Variants in GOLGA1 observed in about 807,000 individuals in gnomAD.
The protein encoded by GOLGA1 is golgin A1, also known as golgin subfamily A member 1.
In GOLGA1, 63 loss-of-function variants were observed where a neutral mutation model predicts 119.7. The observed-to-expected ratio is 0.53, with a 90% confidence interval of 0.43 to 0.65. The LOEUF (loss-of-function observed/expected upper bound fraction) is 0.65. GOLGA1 is among the 30% of genes least tolerant of loss of function. GOLGA1 has a pLI of 0.00. For synonymous variants in GOLGA1, 318 were observed against 333.4 expected (o/e 0.95, Z 0.50); for missense variants, 798 against 912.8 (o/e 0.87, Z 1.62).
intron 19 of GOLGA1, among the ~76,000 whole-genome samples, chr9:124,884,229 C>T (rs1009223847): frequency 5.4e-5 from 8 of 147,666 alleles, no homozygotes; most frequent in African/African-American, 1.9e-4. Context: ...CCAGGCTGGT[C>T]TCGAACTCCT....
Position 124,881,572 on chromosome 9 carries a change from T to C in GOLGA1, c.2136+212A>G, listed in dbSNP as rs1262582385. 6.6e-6 allele frequency among the ~76,000 whole-genome samples: 1 copy of C among 152,220 alleles called. No homozygotes were observed. Among genetic ancestry groups the C allele is most frequent in the African/African-American group, 2.4e-5 (1 of 41,466 alleles). On this transcript the variant is annotated intron_variant, in intron 21 of 22. Transcript: ENST00000373555. This position sits in a 1 kb window ranked among gnomAD's most constrained non-coding sequence, Gnocchi z 4.9. ...GGCCAGGATTTAGAAGTGGAGCCTA[T>C]GTCTCCCACCAGGAGCCAGTTCCTG...
rs991995167 is a variant in GOLGA1 at position 124,928,111 on chromosome 9, T to A, written c.399+77A>T. 42 of 649,098 alleles carry A rather than the reference T, an allele frequency of 6.5e-5. No homozygotes were observed. In the Admixed American group the frequency reaches 1.1e-3, roughly 16 times the overall value. The allele number at this position is 649,098 out of a possible 1,614,324, so 40.2% of individuals were successfully genotyped here. A position where few individuals can be genotyped will look rare whatever the true frequency, so the allele number is the denominator to read the frequency against. ...CTAGGCTATAAATATTTTCTATAGGTTATGTCATGATTTTTGAAATCACGT... is the reference window on the plus strand; with the variant it reads ...CTAGGCTATAAATATTTTCTATAGGATATGTCATGATTTTTGAAATCACGT... On this transcript the variant is annotated intron_variant, in intron 6 of 22. Transcript: ENST00000373555.
At chr9:124,899,302 C>G (rs1416958489) in intron 14 of GOLGA1, 27 bp downstream of exon 14, 24 of 1,524,794 alleles carry the variant, frequency 1.6e-5, no homozygotes, top group Non-Finnish European at 2.0e-5. Context: ...TGCTCCTGGG[C>G]CCACCCTCTC....
chr9:124,923,324 G>T, intron 7 of GOLGA1, 101 bp from the exon 8 acceptor site: 1 of 977,084 alleles, frequency 1.0e-6, no homozygotes, highest in Non-Finnish European at 1.5e-6. Context: ...TGTCTTTAGA[G>T]ACAGAGTCTC....
In GOLGA1 at chr9:124,914,677, G is replaced by A. The variant is rs531402673; in HGVS notation, c.844-2651C>T. On this transcript the variant is annotated intron_variant, in intron 10 of 22. Transcript: ENST00000373555. ...CCTATTATGTCTAGTCCTTACAAATGCTCTTTATCACATCCATTTACAAGG... is the reference window on the plus strand; with the variant it reads ...CCTATTATGTCTAGTCCTTACAAATACTCTTTATCACATCCATTTACAAGG... Among the ~76,000 whole-genome samples the A allele has an allele frequency of 4.6e-5, 7 of 152,318 alleles. No individual in the cohort carries two copies. The East Asian group carries it at 1.3e-3, about 29-fold the overall frequency.
Position 124,921,723 on chromosome 9 carries a change from C to T in GOLGA1, c.731G>A (p.Arg244Lys), listed in dbSNP as rs1830572742. 6.2e-7 allele frequency: 1 copy of T among 1,612,132 alleles called. No individual in the cohort carries two copies. The highest frequency in any genetic ancestry group is 8.5e-7 in the Non-Finnish European group (1 of 1,178,668). ...QRHYSTLEEQ[R>K]DHVIASKTGA... ...AGGGCCCCACAGACCAAGCAAGAAC[C>T]TCTGCTCTTCCAGCGTTGAGTAGTG... is the stretch of plus-strand genomic sequence containing the variant. Residue 244 changes from arginine to lysine, a missense_variant and splice_region_variant, in exon 9 of 23, where the codon AGA (arginine) becomes AAA (lysine). Coordinates refer to ENST00000373555, the MANE Select transcript of GOLGA1 (RefSeq NM_002077.4).
chr9:124,912,619 T>G (rs1253222589), intron 10 of GOLGA1, among the ~76,000 whole-genome samples: 1 of 152,202 alleles, frequency 6.6e-6, no homozygotes, highest in Non-Finnish European at 1.5e-5. Flanking sequence ...CTCGGCTCAC[T>G]GCAACATCCA....
At chr9:124,907,637 GA>G (rs1830260791) in intron 12 of GOLGA1, among the ~76,000 whole-genome samples, 2 of 152,120 alleles carry the variant, frequency 1.3e-5, no homozygotes, top group Admixed American at 6.6e-5. Flanking sequence ...AGAAAATAAG[GA>G]AAGGATATGA....
intron 11 of GOLGA1, among the ~76,000 whole-genome samples, chr9:124,910,331 C>T (rs990450617): frequency 6.6e-6 from 1 of 152,032 alleles, no homozygotes; most frequent in African/African-American, 2.4e-5. Flanking sequence ...ACCCAAAGTG[C>T]TGGGATTACA....
Position 124,911,909 on chromosome 9 carries a change from G to C in GOLGA1, c.961C>G (p.Leu321Val), listed in dbSNP as rs966292296. The C allele has an allele frequency of 5.0e-6, 8 of 1,612,420 alleles. No individual in the cohort carries two copies. Among genetic ancestry groups the C allele is most frequent in the Non-Finnish European group, 6.8e-6 (8 of 1,178,708 alleles). Residue 321 changes from leucine to valine, a missense_variant, in exon 11 of 23, where the codon CTG (leucine) becomes GTG (valine). Leu to Val is a conservative substitution (Grantham distance 32). Coordinates refer to ENST00000373555, the MANE Select transcript of GOLGA1 (RefSeq NM_002077.4). Reference protein sequence around the residue: ...LSGEEHLQELLKEKTLAEQNL... With the variant: ...LSGEEHLQELVKEKTLAEQNL... The stretch of plus-strand genomic sequence containing the variant: ...AAGAGAACAGAAGTTACCTCTTTCA[G>C]GAGTTCTTGCAAGTGTTCTTCTCCT...
rs1458072554 is a variant in GOLGA1, at chr9:124,921,712, C to G, written c.731+11G>C. On this transcript the variant is annotated intron_variant, in intron 9 of 22. Transcript: ENST00000373555. ...ACCTCTTCCCAAGGGCCCCACAGAC[C>G]AAGCAAGAACCTCTGCTCTTCCAGC... is the stretch of plus-strand genomic sequence containing the variant. The G allele has an allele frequency of 3.1e-6, 5 of 1,608,292 alleles. No individual in the cohort carries two copies. Among genetic ancestry groups the G allele is most frequent in the Non-Finnish European group, 4.3e-6 (5 of 1,176,426 alleles).
intron 14 of GOLGA1, among the ~76,000 whole-genome samples, 154 bp from the exon 15 acceptor site, chr9:124,898,798 A>C (rs1382403778): frequency 1.3e-5 from 2 of 152,234 alleles, no homozygotes; most frequent in African/African-American, 4.8e-5. Context: ...GAAAGTAGGA[A>C]GTCTCTGTGG....
intron 19 of GOLGA1, among the ~76,000 whole-genome samples, chr9:124,882,962 C>T (rs17328115): frequency 0.1 from 15,618 of 152,186 alleles, 1,076 homozygotes; most frequent in South Asian, 0.15. Flanking sequence ...GATACTTAGG[C>T]GAGGACTTAC....
At chr9:124,919,527 A>G (rs1406104413) in intron 10 of GOLGA1, among the ~76,000 whole-genome samples, 3 of 152,216 alleles carry the variant, frequency 2.0e-5, no homozygotes, top group Non-Finnish European at 4.4e-5. Context: ...TTCTGGAGTA[A>G]GACTTGGGTT....
chr9:124,929,623 T>C (rs1233956885), intron 4 of GOLGA1, among the ~76,000 whole-genome samples: 2 of 152,172 alleles, frequency 1.3e-5, no homozygotes, highest in Non-Finnish European at 2.9e-5. Flanking sequence ...CAAATCTCAG[T>C]TTCCACTTCC....
intron 12 of GOLGA1, among the ~76,000 whole-genome samples, chr9:124,905,335 A>G (rs1215881806): frequency 6.6e-6 from 1 of 151,898 alleles, no homozygotes; most frequent in Admixed American, 6.6e-5. Flanking sequence ...GGAGGCAGGC[A>G]TCTTTTAACC....
At chr9:124,934,858 G>A (rs1830834318) in intron 3 of GOLGA1, among the ~76,000 whole-genome samples, 1 of 152,116 alleles carries the variant, frequency 6.6e-6, no homozygotes, top group Admixed American at 6.6e-5. Flanking sequence ...ACCAGCCTAA[G>A]CAACATGGCA....
chr9:124,904,776 C>T (rs1036415970), intron 12 of GOLGA1, among the ~76,000 whole-genome samples: 1 of 151,834 alleles, frequency 6.6e-6, no homozygotes, highest in Non-Finnish European at 1.5e-5. Context: ...CTTGTCTCTA[C>T]CAAAAATACA....
At position 124,911,922 on chromosome 9, in the gene GOLGA1, G is replaced by A. The variant is rs1396520134; in HGVS notation, c.948C>T (p.His316=). Residue 316 remains histidine, a synonymous_variant, in exon 11 of 23, where the codon CAC becomes CAT. Transcript: ENST00000373555. ...TTACCTCTTTCAGGAGTTCTTGCAA[G>A]TGTTCTTCTCCTGATAAGTTCTGTT... is the stretch of plus-strand genomic sequence containing the variant. ...RLEQNLSGEE[H]LQELLKEKTL... 14 of 1,610,412 alleles carry A rather than the reference G, an allele frequency of 8.7e-6. No homozygotes were observed. The highest frequency in any genetic ancestry group is 1.0e-5 in the Non-Finnish European group (12 of 1,176,694).
Sources: allele counts gnomAD v4.1 joint callset (sites outside exome capture counted in the v4.1 genomes callset), GRCh38; gene constraint gnomAD v4.1.1; non-coding constraint Gnocchi (gnomAD v3.1); transcripts MANE v1.5; gene names NCBI Gene and HGNC (gene_info 2026-07-23, HGNC 2026-07-21).